IL1RAPL2: variants seen among roughly 807,000 people sequenced by gnomAD.
The protein encoded by IL1RAPL2 is X-linked interleukin-1 receptor accessory protein-like 2.
IL1RAPL2 carries 3 observed loss-of-function variants against 44.1 expected under a neutral mutation model. The ratio of observed to expected loss-of-function variants is 0.07; its 90% CI spans 0.03 to 0.18. The LOEUF (loss-of-function observed/expected upper bound fraction) is 0.18. Ranked by LOEUF, IL1RAPL2 falls within the 10% of genes least tolerant of loss-of-function variation. IL1RAPL2 has a pLI of 1.00. For missense variants in IL1RAPL2, 391 were observed against 496.4 expected (o/e 0.79, Z 2.02); for synonymous variants, 181 against 178.8 (o/e 1.01, Z -0.10).
chrX:105,101,069 C>T (rs1340328483), intron 2 of IL1RAPL2, among the ~76,000 whole-genome samples: 5 of 112,263 alleles, frequency 4.5e-5, no homozygotes, highest in Non-Finnish European at 9.4e-5. Context: ...AAGGTGCTCA[C>T]AGTTTTCATA....
chrX:104,901,237 C>G (rs1452671538), intron 2 of IL1RAPL2, among the ~76,000 whole-genome samples: 1 of 69,774 alleles, frequency 1.4e-5, no homozygotes, highest in African/African-American at 6.0e-5. Context: ...TTGAGACGGA[C>G]TCTCGCTCTG....
At chrX:105,254,256 A>C (rs2034296986) in intron 4 of IL1RAPL2, among the ~76,000 whole-genome samples, 1 of 111,919 alleles carries the variant, frequency 8.9e-6, no homozygotes. Context: ...GACTAGTATG[A>C]GATAGTATTT....
chrX:105,523,669 G>A (rs1236948561), intron 6 of IL1RAPL2, among the ~76,000 whole-genome samples: 1 of 111,148 alleles, frequency 9.0e-6, no homozygotes, highest in Non-Finnish European at 1.9e-5. Context: ...TTTCTTCAGA[G>A]AAAAGTCTAT....
intron 2 of IL1RAPL2, among the ~76,000 whole-genome samples, chrX:104,978,403 C>G (rs1433630476): frequency 9.0e-6 from 1 of 111,478 alleles, no homozygotes; most frequent in Non-Finnish European, 1.9e-5. Context: ...TCTTCAATGT[C>G]TAAAATATTT....
chrX:104,949,205 T>C (rs1289187509), intron 2 of IL1RAPL2, among the ~76,000 whole-genome samples: 4 of 108,713 alleles, frequency 3.7e-5, no homozygotes, highest in Admixed American at 2.9e-4. Context: ...TTTATTTGCG[T>C]AGAGGTGTTT....
chrX:104,606,702 C>T, intron 1 of IL1RAPL2, among the ~76,000 whole-genome samples: 1 of 110,915 alleles, frequency 9.0e-6, no homozygotes, highest in Non-Finnish European at 1.9e-5. Flanking sequence ...TTCACAATTC[C>T]TACAAAGAGA....
At chrX:105,226,385 C>CTTTTTTTTTTTTTTTTTTTTTTTTTT (rs35192051) in intron 3 of IL1RAPL2, among the ~76,000 whole-genome samples, 1 of 53,352 alleles carries the variant, frequency 1.9e-5, no homozygotes, top group African/African-American at 9.5e-5. Context: ...TTTCTTTTCC[C>CTTTTTTTTTTTTTTTTTTTTTTTTTT]TTTTTTTTTT....
intron 5 of IL1RAPL2, among the ~76,000 whole-genome samples, chrX:105,452,729 G>A (rs1317364572): frequency 9.0e-6 from 1 of 110,777 alleles, no homozygotes; most frequent in Non-Finnish European, 1.9e-5. Context: ...ATAATCTTAA[G>A]CTCTCAAAGA....
chrX:104,944,495 T>A (rs1442642924), intron 2 of IL1RAPL2, among the ~76,000 whole-genome samples: 2 of 111,958 alleles, frequency 1.8e-5, no homozygotes, highest in Non-Finnish European at 3.8e-5. Context: ...CAAATTGATC[T>A]TGCTATGTGA....
chrX:104,882,924 G>GC (rs1249156219), intron 2 of IL1RAPL2, among the ~76,000 whole-genome samples: 1 of 111,315 alleles, frequency 9.0e-6, no homozygotes, highest in Non-Finnish European at 1.9e-5. Flanking sequence ...ACCTTTAAAA[G>GC]CTGTAACACA....
intron 2 of IL1RAPL2, among the ~76,000 whole-genome samples, chrX:104,950,770 A>T (rs1925556706): frequency 9.1e-6 from 1 of 109,722 alleles, no homozygotes; most frequent in African/African-American, 3.3e-5. Context: ...GCAGTGGCAC[A>T]ATCTCGGCTC....
At chrX:105,093,180 C>T (rs2032565034) in intron 2 of IL1RAPL2, among the ~76,000 whole-genome samples, 1 of 107,559 alleles carries the variant, frequency 9.3e-6, no homozygotes, top group African/African-American at 3.5e-5. Flanking sequence ...TGCACACATG[C>T]ATGCACACAC....
intron 1 of IL1RAPL2, among the ~76,000 whole-genome samples, chrX:104,579,259 G>T (rs931105620): frequency 9.0e-6 from 1 of 111,697 alleles, no homozygotes; most frequent in African/African-American, 3.3e-5. Context: ...CATGCCCAAA[G>T]AAATATAAAT....
intron 5 of IL1RAPL2, among the ~76,000 whole-genome samples, chrX:105,322,625 T>G (rs2034905006): frequency 8.9e-6 from 1 of 112,150 alleles, no homozygotes; most frequent in South Asian, 3.7e-4. Flanking sequence ...CATAATCATT[T>G]GCTTTCCTCC....
At chrX:105,360,092 A>G (rs2035236771) in intron 5 of IL1RAPL2, among the ~76,000 whole-genome samples, 1 of 110,874 alleles carries the variant, frequency 9.0e-6, no homozygotes, top group Admixed American at 9.7e-5. Context: ...GTTGTGTGCT[A>G]TTACTATACT....
At chrX:104,903,950 C>A (rs925144430) in intron 2 of IL1RAPL2, among the ~76,000 whole-genome samples, 1 of 111,639 alleles carries the variant, frequency 9.0e-6, no homozygotes, top group Admixed American at 9.5e-5. Flanking sequence ...CCAGGTCATA[C>A]AACTAGCAAA....
intron 5 of IL1RAPL2, among the ~76,000 whole-genome samples, chrX:105,466,543 C>A (rs984401354): frequency 2.7e-5 from 3 of 111,452 alleles, no homozygotes; most frequent in African/African-American, 6.5e-5. Flanking sequence ...GCAAAAACTT[C>A]AACTGTCCCT....
At chrX:104,848,286 C>T (rs1193150276) in intron 2 of IL1RAPL2, among the ~76,000 whole-genome samples, 3 of 108,109 alleles carry the variant, frequency 2.8e-5, no homozygotes, top group African/African-American at 1.0e-4. Flanking sequence ...AAGACCGTCA[C>T]AGACATTTAC....
chrX:104,844,212 T>C (rs751215035), intron 2 of IL1RAPL2, among the ~76,000 whole-genome samples: 1 of 111,099 alleles, frequency 9.0e-6, no homozygotes, highest in South Asian at 3.9e-4. Flanking sequence ...TTTTCTGTCC[T>C]TCTTTAAACA....
Sources: gnomAD v4.1 joint callset for allele counts (sites outside exome capture counted in the v4.1 genomes callset) on GRCh38, gnomAD v4.1.1 for gene constraint, MANE v1.5 for transcripts, NCBI Gene and HGNC (gene_info 2026-07-23, HGNC 2026-07-21) for gene names.